Variants in CCDC85A observed in about 807,000 individuals in gnomAD.
The protein encoded by CCDC85A is coiled-coil domain-containing protein 85A.
CCDC85A carries 38 observed loss-of-function variants against 50.2 expected under a neutral mutation model. That is an observed-to-expected ratio of 0.76 (90% CI 0.58 to 0.99). The LOEUF (loss-of-function observed/expected upper bound fraction) is 0.99. Ranked by LOEUF, CCDC85A falls within the 50% of genes least tolerant of loss-of-function variation. The pLI, the probability that CCDC85A is intolerant of heterozygous loss-of-function variation, is 0.00. For synonymous variants in CCDC85A, 366 were observed against 301.4 expected (o/e 1.21, Z -2.22); for missense variants, 820 against 742.0 (o/e 1.11, Z -1.22).
At chr2:56,277,831 C>A (rs184991937) in intron 2 of CCDC85A, among the ~76,000 whole-genome samples, 1 of 152,194 alleles carries the variant, frequency 6.6e-6, no homozygotes, top group African/African-American at 2.4e-5. Flanking sequence ...ACTTACCTCC[C>A]CTAGGTTCTA....
At chr2:56,203,692 C>T (rs1377235489) in intron 2 of CCDC85A, among the ~76,000 whole-genome samples, 1 of 152,076 alleles carries the variant, frequency 6.6e-6, no homozygotes, top group Non-Finnish European at 1.5e-5. Flanking sequence ...GACTTTCACC[C>T]ATATGTTAAG....
chr2:56,313,267 T>G (rs1437939854), intron 2 of CCDC85A, among the ~76,000 whole-genome samples: 3 of 152,180 alleles, frequency 2.0e-5, no homozygotes, highest in Admixed American at 1.3e-4. Context: ...TTTTATACAT[T>G]TCAGTTTTAT....
At chr2:56,277,067 T>G (rs922836096) in intron 2 of CCDC85A, among the ~76,000 whole-genome samples, 3 of 152,136 alleles carry the variant, frequency 2.0e-5, no homozygotes, top group African/African-American at 7.2e-5. Context: ...GGCCGCAGAG[T>G]CCTCTCTTTC....
intron 2 of CCDC85A, among the ~76,000 whole-genome samples, chr2:56,200,025 C>T (rs142045325): frequency 2.0e-5 from 3 of 152,280 alleles, no homozygotes; most frequent in East Asian, 1.9e-4. Flanking sequence ...CACACCACCA[C>T]GCCTAGCTAA....
intron 2 of CCDC85A, among the ~76,000 whole-genome samples, chr2:56,260,943 A>T (rs940814009): frequency 1.3e-5 from 2 of 152,196 alleles, no homozygotes; most frequent in African/African-American, 4.8e-5. Context: ...AAAAATAATA[A>T]TTTTCAAAAT....
chr2:56,230,188 G>A (rs1217358048), intron 2 of CCDC85A, among the ~76,000 whole-genome samples: 3 of 152,100 alleles, frequency 2.0e-5, no homozygotes, highest in Admixed American at 6.6e-5. Flanking sequence ...ATTTTCTTGA[G>A]GCTGGATGAA....
chr2:56,198,096 G>A (rs1314488553), intron 2 of CCDC85A, among the ~76,000 whole-genome samples: 3 of 152,178 alleles, frequency 2.0e-5, no homozygotes, highest in Non-Finnish European at 2.9e-5. Context: ...ATGAGTAAAC[G>A]AAAAATGTTG....
intron 2 of CCDC85A, among the ~76,000 whole-genome samples, chr2:56,264,820 C>T (rs1670368556): frequency 6.6e-6 from 1 of 152,184 alleles, no homozygotes; most frequent in Non-Finnish European, 1.5e-5. Context: ...TCACTCATTC[C>T]TCTCCAGGCC....
In CCDC85A at chr2:56,184,434, G is replaced by A. The variant is rs934356131; in HGVS notation, c.-191G>A. The A allele has an allele frequency of 2.6e-5, 16 of 607,832 alleles. No homozygotes were observed. The highest frequency in any genetic ancestry group is 2.1e-4 in the African/African-American group (11 of 51,536). The allele number at this position is 607,832 out of a possible 1,614,324, so 37.7% of individuals were successfully genotyped here. On this transcript the variant is annotated 5_prime_UTR_variant, in exon 1 of 6. Coordinates refer to ENST00000407595, the MANE Select transcript of CCDC85A (RefSeq NM_001080433.2). ...CCGGGCCCTGGGGGAGCGCGGGCGC[G>A]CGCGCGGGGATGGCGAGGTAGGATG...
intron 2 of CCDC85A, among the ~76,000 whole-genome samples, chr2:56,297,108 G>A (rs1007822754): frequency 1.3e-5 from 2 of 152,126 alleles, no homozygotes; most frequent in African/African-American, 2.4e-5. Flanking sequence ...CTCTCAGTGG[G>A]ATTTACTGAG....
upstream of CCDC85A, chr2:56,183,924 C>G (rs1049977031): frequency 1.0e-6 from 1 of 985,422 alleles, no homozygotes; most frequent in Non-Finnish European, 1.2e-6. Context: ...CATGCGGGAG[C>G]TGCTGCGGGT....
At chr2:56,245,309 A>G (rs1669452567) in intron 2 of CCDC85A, among the ~76,000 whole-genome samples, 1 of 152,230 alleles carries the variant, frequency 6.6e-6, no homozygotes, top group Admixed American at 6.5e-5. Context: ...TATGAGCACC[A>G]GCTGAATTCT....
intron 2 of CCDC85A, among the ~76,000 whole-genome samples, chr2:56,333,463 C>G (rs758355484): frequency 4.6e-5 from 7 of 152,164 alleles, no homozygotes; most frequent in African/African-American, 1.7e-4. Context: ...ACAGTCAGAT[C>G]ACACAGGGCC....
intron 3 of CCDC85A, among the ~76,000 whole-genome samples, chr2:56,352,784 A>G (rs1314254284): frequency 6.6e-6 from 1 of 152,232 alleles, no homozygotes; most frequent in Non-Finnish European, 1.5e-5. Flanking sequence ...GTGAATTGCT[A>G]GAAATAACAC....
chr2:56,254,233 C>A (rs1448228729), intron 2 of CCDC85A, among the ~76,000 whole-genome samples: 2 of 151,810 alleles, frequency 1.3e-5, no homozygotes, highest in East Asian at 3.9e-4. Flanking sequence ...TAATACCTAC[C>A]TCCTGTTCAT....
chr2:56,326,554 G>T (rs1042822045), intron 2 of CCDC85A, among the ~76,000 whole-genome samples: 1 of 152,090 alleles, frequency 6.6e-6, no homozygotes, highest in Non-Finnish European at 1.5e-5. Context: ...CTATTGTGAA[G>T]TGTTTCTAAA....
chr2:56,293,571 A>G (rs186282095), intron 2 of CCDC85A, among the ~76,000 whole-genome samples: 1 of 152,224 alleles, frequency 6.6e-6, no homozygotes, highest in African/African-American at 2.4e-5. Flanking sequence ...ACGTCTGACA[A>G]AGGTCTAATA....
intron 1 of CCDC85A, among the ~76,000 whole-genome samples, chr2:56,186,070 A>G (rs1465826517): frequency 6.6e-6 from 1 of 152,130 alleles, no homozygotes; most frequent in Admixed American, 6.5e-5. Flanking sequence ...GGAATGCTCA[A>G]GGCTCACCTA....
intron 2 of CCDC85A, among the ~76,000 whole-genome samples, chr2:56,227,829 C>T (rs1367530079): frequency 6.6e-6 from 1 of 152,030 alleles, no homozygotes; most frequent in Non-Finnish European, 1.5e-5. Context: ...TTCACAAGGC[C>T]CTATGGGTTT....
Sources: gnomAD v4.1 joint callset for allele counts (sites outside exome capture counted in the v4.1 genomes callset) on GRCh38, gnomAD v4.1.1 for gene constraint, MANE v1.5 for transcripts, NCBI Gene and HGNC (gene_info 2026-07-23, HGNC 2026-07-21) for gene names.